TOM1L2: variants seen among roughly 807,000 people sequenced by gnomAD.
The protein encoded by TOM1L2 is TOM1-like protein 2.
Under a neutral mutation model 67.9 loss-of-function variants are expected in TOM1L2, and 31 were observed. That is an observed-to-expected ratio of 0.46 (90% confidence interval 0.34 to 0.62). The LOEUF (loss-of-function observed/expected upper bound fraction) is 0.62, where lower values mean the gene tolerates loss of function less well. Among genes scored for constraint, TOM1L2 ranks in the 20% least tolerant of loss-of-function variants. The pLI is 0.01. For missense variants in TOM1L2, 606 were observed against 663.5 expected (o/e 0.91, Z 0.95); for synonymous variants, 256 against 254.0 (o/e 1.01, Z -0.07).
rs2035657715 is a variant in TOM1L2, at chr17:17,846,639, C to CA, written c.*995dup. The CA allele has an allele frequency of 6.6e-6, 1 of 152,394 alleles. No homozygotes were observed. Among genetic ancestry groups the CA allele is most frequent in the African/African-American group, 2.4e-5 (1 of 41,458 alleles). The allele number at this position is 152,394 out of a possible 1,614,324, so 9.4% of individuals were successfully genotyped here. A position where few individuals can be genotyped will look rare whatever the true frequency, so the allele number is the denominator to read the frequency against. On this transcript the variant is annotated 3_prime_UTR_variant, in exon 15 of 15. Coordinates refer to ENST00000379504, the MANE Select transcript of TOM1L2 (RefSeq NM_001082968.2). Reference sequence around the variant, plus strand: ...GGGCCTTAGTGCTGCCCAGGCCTCTCAGTCACTGGGAACCTCCAAGGATGC... The same window carrying CA: ...GGGCCTTAGTGCTGCCCAGGCCTCTCAAGTCACTGGGAACCTCCAAGGATGC...
intron 2 of TOM1L2, among the ~76,000 whole-genome samples, chr17:17,902,117 G>A (rs2144341116): frequency 6.6e-6 from 1 of 152,156 alleles, no homozygotes; most frequent in East Asian, 1.9e-4. Flanking sequence ...CGGTGGTTGT[G>A]GTGAGCTGAG....
intron 7 of TOM1L2, among the ~76,000 whole-genome samples, chr17:17,871,347 GGA>G (rs746046553): frequency 2.0e-5 from 3 of 151,692 alleles, no homozygotes; most frequent in East Asian, 1.9e-4. Flanking sequence ...CTCCAGACTG[GGA>G]GAGAGAGCGA....
rs757283586 is a variant in TOM1L2 at position 17,894,885 on chromosome 17, C to T, written c.217-1075G>A. 3.0e-4 allele frequency among the ~76,000 whole-genome samples: 46 copies of T among 152,220 alleles called. 1 individual carries two copies. The South Asian group carries it at 3.1e-3, about 10-fold the overall frequency. ...GGTGGAGGTTGCAATGAGCTAAGAT[C>T]GCGCCATTGCACTCCAGCTCAGGCA... is the stretch of plus-strand genomic sequence containing the variant. On this transcript the variant is annotated intron_variant, in intron 3 of 14. Transcript: ENST00000379504.
chr17:17,958,895 C>T (rs891143154), intron 1 of TOM1L2, among the ~76,000 whole-genome samples: 3 of 152,168 alleles, frequency 2.0e-5, no homozygotes, highest in Non-Finnish European at 4.4e-5. Context: ...GAGTTATTCA[C>T]CAATGGCCAG....
intron 12 of TOM1L2, among the ~76,000 whole-genome samples, chr17:17,853,614 A>G (rs528568597): frequency 1.5e-4 from 23 of 152,296 alleles, no homozygotes; most frequent in South Asian, 1.2e-3. Flanking sequence ...ATTTTTCCAA[A>G]TAAGTAGTAT....
intron 6 of TOM1L2, among the ~76,000 whole-genome samples, chr17:17,879,985 G>A (rs912535072): frequency 2.0e-5 from 3 of 152,164 alleles, no homozygotes; most frequent in Admixed American, 6.5e-5. Context: ...ACTGTGACAC[G>A]AAAGCAGTAC....
chr17:17,874,176 A>G (rs977068347), intron 7 of TOM1L2, among the ~76,000 whole-genome samples: 37 of 152,060 alleles, frequency 2.4e-4, no homozygotes, highest in African/African-American at 8.7e-4. Context: ...GGATGGTTTC[A>G]ATATCCTGAC....
intron 1 of TOM1L2, among the ~76,000 whole-genome samples, chr17:17,923,866 G>A (rs925086687): frequency 6.6e-6 from 1 of 152,010 alleles, no homozygotes; most frequent in Non-Finnish European, 1.5e-5. Context: ...GGCCGGGCGC[G>A]GTGGCTGTCG....
chr17:17,858,044 A>C (rs534908149), intron 12 of TOM1L2, among the ~76,000 whole-genome samples: 1 of 152,256 alleles, frequency 6.6e-6, no homozygotes, highest in South Asian at 2.1e-4. Flanking sequence ...AGTAACCAAG[A>C]ATCCCAACAG....
At chr17:17,890,348 T>A (rs560399875) in intron 4 of TOM1L2, among the ~76,000 whole-genome samples, 10 of 152,190 alleles carry the variant, frequency 6.6e-5, no homozygotes, top group African/African-American at 2.4e-4. Flanking sequence ...TGGATACATA[T>A]GAAATTGCTA....
intron 1 of TOM1L2, among the ~76,000 whole-genome samples, chr17:17,916,628 T>C (rs1166106747): frequency 6.6e-6 from 1 of 152,212 alleles, no homozygotes; most frequent in Non-Finnish European, 1.5e-5. Context: ...CATTGGTCCA[T>C]GTGTCTTTCC....
chr17:17,931,183 C>T (rs1460318632), intron 1 of TOM1L2, among the ~76,000 whole-genome samples: 2 of 152,088 alleles, frequency 1.3e-5, no homozygotes, highest in African/African-American at 2.4e-5. Context: ...AGAACACATC[C>T]CCACCTTTTC....
intron 1 of TOM1L2, among the ~76,000 whole-genome samples, chr17:17,920,108 G>T (rs2039795895): frequency 1.3e-5 from 2 of 152,092 alleles, no homozygotes; most frequent in Non-Finnish European, 2.9e-5. Context: ...TGATTTTTAG[G>T]TGAAGTCTAA....
intron 1 of TOM1L2, among the ~76,000 whole-genome samples, chr17:17,942,888 C>T (rs1416512173): frequency 1.3e-5 from 2 of 152,172 alleles, no homozygotes; most frequent in African/African-American, 4.8e-5. Context: ...ACTTGGGGCT[C>T]AGAGACATGA....
At chr17:17,909,167 CCA>C (rs2039230793) in intron 1 of TOM1L2, among the ~76,000 whole-genome samples, 1 of 152,196 alleles carries the variant, frequency 6.6e-6, no homozygotes, top group South Asian at 2.1e-4. Flanking sequence ...GGCGACAGAG[CCA>C]GACTCCGTCT....
At chr17:17,936,128 A>G (rs940933987) in intron 1 of TOM1L2, among the ~76,000 whole-genome samples, 1 of 151,950 alleles carries the variant, frequency 6.6e-6, no homozygotes, top group Non-Finnish European at 1.5e-5. Context: ...TCTGCAGCCC[A>G]TCTCTCTCCA....
At chr17:17,884,271 G>C (rs2144084580) in intron 5 of TOM1L2, among the ~76,000 whole-genome samples, 2 of 152,252 alleles carry the variant, frequency 1.3e-5, no homozygotes, top group Admixed American at 1.3e-4. Flanking sequence ...GTGACATCAA[G>C]CCCTGAGGTG....
chr17:17,937,870 C>CT (rs2040572846), intron 1 of TOM1L2, among the ~76,000 whole-genome samples: 1 of 152,210 alleles, frequency 6.6e-6, no homozygotes, highest in Non-Finnish European at 1.5e-5. Context: ...AGCTCTTAAG[C>CT]TTAAAGACAG....
chr17:17,941,251 G>A (rs1351968429), intron 1 of TOM1L2, among the ~76,000 whole-genome samples: 1 of 152,166 alleles, frequency 6.6e-6, no homozygotes, highest in East Asian at 1.9e-4. Flanking sequence ...GGGCACTACT[G>A]CTGAGCAATT....
Sources: gnomAD v4.1 joint callset for allele counts (sites outside exome capture counted in the v4.1 genomes callset) on GRCh38, gnomAD v4.1.1 for gene constraint, MANE v1.5 for transcripts, NCBI Gene and HGNC (gene_info 2026-07-23, HGNC 2026-07-21) for gene names.